Variants in SPHKAP observed in about 807,000 individuals in gnomAD.
The protein encoded by SPHKAP is A-kinase anchor protein SPHKAP.
A neutral mutation model predicts 137.5 loss-of-function variants in SPHKAP; 67 were observed. The observed-to-expected ratio is 0.49, with a 90% CI of 0.40 to 0.60. The LOEUF (loss-of-function observed/expected upper bound fraction) is 0.60. Among genes scored for constraint, SPHKAP ranks in the 20% least tolerant of loss-of-function variants. The pLI is 0.00. For missense variants in SPHKAP, 2,097 were observed against 2,069.3 expected, an observed-to-expected ratio of 1.01 and a Z score of -0.26; for synonymous variants, 813 against 785.3, an observed-to-expected ratio of 1.04 and a Z score of -0.59.
chr2:228,038,468 T>TG (rs1695718914), intron 3 of SPHKAP, among the ~76,000 whole-genome samples: 1 of 152,134 alleles, frequency 6.6e-6, no homozygotes, highest in Admixed American at 6.6e-5. Context: ...GAGAGAAACC[T>TG]GTCAGTGGGG....
chr2:228,161,506 A>G (rs1326547040), intron 1 of SPHKAP, among the ~76,000 whole-genome samples: 1 of 152,222 alleles, frequency 6.6e-6, no homozygotes, highest in Non-Finnish European at 1.5e-5. Flanking sequence ...CTTAACAATG[A>G]GAACACGTGG....
chr2:228,097,531 A>T (rs1356387125), intron 3 of SPHKAP, among the ~76,000 whole-genome samples: 1 of 152,030 alleles, frequency 6.6e-6, no homozygotes, highest in Non-Finnish European at 1.5e-5. Context: ...TTTTAGGCTC[A>T]GTGGGCACAT....
In SPHKAP at chr2:228,017,409, C is replaced by T; in HGVS notation, c.3445G>A (p.Asp1149Asn). Reference protein sequence around the residue: ...NEGRGFELLLDYYAGKNASSI... With the variant: ...NEGRGFELLLNYYAGKNASSI... ...CTGGCGTTCTTGCCAGCATAGTAAT[C>T]CAGCAGTAACTCAAATCCTCTCCCT... Residue 1149 changes from aspartate to asparagine, a missense_variant, in exon 7 of 12, where the codon GAT becomes AAT. Physicochemically the swap from Asp to Asn is conservative, Grantham distance 23 (BLOSUM62 1). Transcript: ENST00000392056. 2 of 1,614,088 alleles carry T rather than the reference C, an allele frequency of 1.2e-6. No homozygotes were observed. Among genetic ancestry groups the T allele is most frequent in the Non-Finnish European group, 8.5e-7 (1 of 1,180,014 alleles).
chr2:228,152,799 A>G (rs1350091680), intron 1 of SPHKAP, among the ~76,000 whole-genome samples: 3 of 151,262 alleles, frequency 2.0e-5, no homozygotes, highest in African/African-American at 7.3e-5. Context: ...TAACATTTTT[A>G]TCCTCCTCCT....
At chr2:228,034,365 C>A (rs1165362928) in intron 3 of SPHKAP, among the ~76,000 whole-genome samples, 1 of 152,124 alleles carries the variant, frequency 6.6e-6, no homozygotes, top group Non-Finnish European at 1.5e-5. Flanking sequence ...CAATAACAGG[C>A]TCTGAAATTG....
At chr2:228,087,222 G>A (rs1697568053) in intron 3 of SPHKAP, among the ~76,000 whole-genome samples, 1 of 152,084 alleles carries the variant, frequency 6.6e-6, no homozygotes, top group Admixed American at 6.5e-5. Context: ...ACACTGCATT[G>A]GGGAAATAGA....
intron 3 of SPHKAP, among the ~76,000 whole-genome samples, chr2:228,106,317 G>C (rs892810406): frequency 6.6e-6 from 1 of 152,096 alleles, no homozygotes; most frequent in Non-Finnish European, 1.5e-5. Context: ...ATCACAACTG[G>C]ATATGAAAAC....
rs1697899917 is a variant in SPHKAP, at chr2:228,093,906, A to G, written c.246+14926T>C. Among the ~76,000 whole-genome samples the G allele has an allele frequency of 2.0e-5, 3 of 150,900 alleles. No homozygotes were observed. The South Asian group carries it at 6.3e-4, about 32-fold the overall frequency. On this transcript the variant is annotated intron_variant, in intron 3 of 11. Coordinates refer to ENST00000392056, the MANE Select transcript of SPHKAP (RefSeq NM_001142644.2). ...AAAAAACAAAGCTATTGGGACAAGA[A>G]GTAGATTAGCAGTTGCCTAGGCCTA...
intron 7 of SPHKAP, among the ~76,000 whole-genome samples, chr2:228,002,348 G>C (rs1003934085): frequency 6.6e-6 from 1 of 152,138 alleles, no homozygotes; most frequent in African/African-American, 2.4e-5. Context: ...TCACGTGTCT[G>C]TTGGCTGCAT....
At chr2:228,158,325 T>C (rs1700171792) in intron 1 of SPHKAP, among the ~76,000 whole-genome samples, 1 of 116,192 alleles carries the variant, frequency 8.6e-6, no homozygotes, top group Admixed American at 9.9e-5. Flanking sequence ...TTTACTTCTT[T>C]CTTTTTTTTT....
intron 9 of SPHKAP, among the ~76,000 whole-genome samples, chr2:227,992,770 G>C (rs1216205840): frequency 6.6e-6 from 1 of 152,184 alleles, no homozygotes; most frequent in Non-Finnish European, 1.5e-5. Context: ...TGTAGTTATA[G>C]ATAGTGATTG....
chr2:228,093,632 G>C (rs1213076953), intron 3 of SPHKAP, among the ~76,000 whole-genome samples: 1 of 151,928 alleles, frequency 6.6e-6, no homozygotes, highest in Non-Finnish European at 1.5e-5. Flanking sequence ...GGCTGAGGTG[G>C]GGGGACCACT....
At chr2:228,112,661 G>A (rs1559179766) in intron 2 of SPHKAP, among the ~76,000 whole-genome samples, 1 of 152,134 alleles carries the variant, frequency 6.6e-6, no homozygotes, top group Non-Finnish European at 1.5e-5. Context: ...GAAAGGGGCT[G>A]TCTGCAGACC....
At chr2:228,012,399 A>G (rs553075090) in intron 7 of SPHKAP, among the ~76,000 whole-genome samples, 2 of 152,258 alleles carry the variant, frequency 1.3e-5, no homozygotes, top group East Asian at 3.9e-4. Context: ...CTAGATCACC[A>G]TAATGCTTAA....
chr2:228,007,812 A>G (rs933308726), intron 7 of SPHKAP, among the ~76,000 whole-genome samples: 4 of 152,206 alleles, frequency 2.6e-5, no homozygotes, highest in African/African-American at 7.2e-5. Context: ...TAATGAAGAA[A>G]GGATAGTCTC....
At chr2:228,096,903 A>G (rs1452771738) in intron 3 of SPHKAP, among the ~76,000 whole-genome samples, 2 of 152,154 alleles carry the variant, frequency 1.3e-5, no homozygotes, top group East Asian at 1.9e-4. Context: ...TAAAAAAAAC[A>G]TACATCCTGG....
At chr2:228,172,980 T>C (rs1559214590) in intron 1 of SPHKAP, 3 of 942,350 alleles carry the variant, frequency 3.2e-6, no homozygotes, top group Non-Finnish European at 2.5e-6. Flanking sequence ...AGAAGTACAA[T>C]TGGAAAACTT....
At chr2:228,037,638 T>C (rs915173624) in intron 3 of SPHKAP, among the ~76,000 whole-genome samples, 5 of 147,376 alleles carry the variant, frequency 3.4e-5, no homozygotes, top group Admixed American at 1.4e-4. Context: ...CAGAGCCCAA[T>C]AACACCTGTG....
rs773225584 is a variant in SPHKAP at position 227,981,877 on chromosome 2, A to C, written c.4960-17T>G. 1.2e-6 allele frequency: 2 copies of C among 1,610,124 alleles called. No homozygotes were observed. The highest frequency in any genetic ancestry group is 2.7e-5 in the African/African-American group (2 of 74,884). On this transcript the variant is annotated splice_polypyrimidine_tract_variant and intron_variant, in intron 11 of 11. Coordinates refer to ENST00000392056, the MANE Select transcript of SPHKAP (RefSeq NM_001142644.2). The stretch of plus-strand genomic sequence containing the variant: ...ATCTAGAAACTAAAATAAAACGGAG[A>C]GTTAGGGCTCACAGAGCACAGAGGG...
Sources: gnomAD v4.1 joint callset for allele counts (sites outside exome capture counted in the v4.1 genomes callset) on GRCh38, gnomAD v4.1.1 for gene constraint, MANE v1.5 for transcripts, NCBI Gene and HGNC (gene_info 2026-07-23, HGNC 2026-07-21) for gene names.